The following KCNC2 variants were observed in gnomAD, a reference collection of about 807,000 sequenced individuals.
KCNC2 encodes potassium voltage-gated channel subfamily C member 2.
KCNC2 carries 21 observed loss-of-function variants against 44.5 expected under a neutral mutation model. That is an observed-to-expected ratio of 0.47 (90% CI 0.33 to 0.68). KCNC2 has a LOEUF of 0.68. KCNC2 is among the 30% of genes least tolerant of loss of function. The pLI, the probability that KCNC2 is intolerant of heterozygous loss-of-function variation, is 0.01. For synonymous variants in KCNC2, 391 were observed against 339.1 expected (o/e 1.15, Z -1.68); for missense variants, 589 against 826.2 (o/e 0.71, Z 3.52).
intron 2 of KCNC2, among the ~76,000 whole-genome samples, chr12:75,194,658 T>C (rs1474224527): frequency 6.6e-6 from 1 of 152,186 alleles, no homozygotes; most frequent in Non-Finnish European, 1.5e-5. Flanking sequence ...TTTAAAAATA[T>C]TTGATAACTA....
chr12:75,093,201 AGAAT>A (rs1885636551), intron 2 of KCNC2, among the ~76,000 whole-genome samples: 1 of 151,690 alleles, frequency 6.6e-6, no homozygotes, highest in East Asian at 1.9e-4. Flanking sequence ...ATATTCAAAT[AGAAT>A]GGCAACAATT....
At chr12:75,081,249 G>T (rs1884475128) in intron 2 of KCNC2, among the ~76,000 whole-genome samples, 1 of 152,018 alleles carries the variant, frequency 6.6e-6, no homozygotes, top group African/African-American at 2.4e-5. Context: ...CAGGGCTCTG[G>T]CACATCAAAA....
intron 2 of KCNC2, among the ~76,000 whole-genome samples, chr12:75,059,332 A>G (rs1882073331): frequency 6.6e-6 from 1 of 152,114 alleles, no homozygotes; most frequent in Non-Finnish European, 1.5e-5. Context: ...ATAGTCAAGC[A>G]TAGTTTTGTA....
At chr12:75,191,611 C>A (rs868470042) in intron 2 of KCNC2, among the ~76,000 whole-genome samples, 14 of 129,098 alleles carry the variant, frequency 1.1e-4, no homozygotes, top group Non-Finnish European at 2.0e-4. Context: ...ACTGCAGTGG[C>A]GCAATCTCGG....
chr12:75,078,468 G>A (rs540531366), intron 2 of KCNC2, among the ~76,000 whole-genome samples: 75 of 152,268 alleles, frequency 4.9e-4, no homozygotes, highest in African/African-American at 1.7e-3. Flanking sequence ...AAGAGTTGTT[G>A]AATAGAATAG....
intron 2 of KCNC2, among the ~76,000 whole-genome samples, chr12:75,112,085 T>C (rs1357368351): frequency 6.6e-6 from 1 of 151,968 alleles, no homozygotes; most frequent in Non-Finnish European, 1.5e-5. Context: ...AAATACAAAA[T>C]GTCTGTTACA....
At chr12:75,193,084 AAAC>A (rs1424989553) in intron 2 of KCNC2, among the ~76,000 whole-genome samples, 5 of 152,166 alleles carry the variant, frequency 3.3e-5, no homozygotes, top group East Asian at 1.9e-4. Flanking sequence ...CTCTGGGTAA[AAAC>A]AACAACAACG....
At position 75,116,302 on chromosome 12, in the gene KCNC2, C is replaced by T. The variant is rs921309808; in HGVS notation, c.688-64985G>A. ...CTGAACTCAGCTGGGAAATCTCATA[C>T]TCTGCCTCAAAGAGAATATCAGAAG... On this transcript the variant is annotated intron_variant, in intron 2 of 4. Coordinates refer to ENST00000549446, the MANE Select transcript of KCNC2 (RefSeq NM_139137.4). 2.0e-5 allele frequency among the ~76,000 whole-genome samples: 3 copies of T among 152,192 alleles called. No homozygotes were observed. The East Asian group carries it at 5.8e-4, about 29-fold the overall frequency.
At chr12:75,206,003 G>A (rs371047465) in intron 2 of KCNC2, among the ~76,000 whole-genome samples, 6 of 151,684 alleles carry the variant, frequency 4.0e-5, no homozygotes, top group Non-Finnish European at 7.4e-5. Context: ...CAAGTCTAAA[G>A]GAGTAGCAAT....
At chr12:75,146,824 A>G (rs933278267) in intron 2 of KCNC2, among the ~76,000 whole-genome samples, 1 of 152,204 alleles carries the variant, frequency 6.6e-6, no homozygotes, top group African/African-American at 2.4e-5. Context: ...TAATCATTTT[A>G]TGTGTATATA....
Position 75,041,857 on chromosome 12 carries a change from G to A in KCNC2, c.*1248C>T, listed in dbSNP as rs535701848. On this transcript the variant is annotated 3_prime_UTR_variant, in exon 5 of 5. Transcript: ENST00000549446. ...AGGCTGCTCCAAATAGCAAAAAATG[G>A]TATGGAGTCGGGTTTGGAGGGAGTA... is the stretch of plus-strand genomic sequence containing the variant. 2.1e-5 allele frequency: 21 copies of A among 989,058 alleles called. No individual in the cohort carries two copies. The Admixed American group carries it at 1.1e-3, about 53-fold the overall frequency. 61.3% of individuals were successfully genotyped at this position (989,058 alleles called of 1,614,324 possible).
At chr12:75,146,752 A>G (rs1242991364) in intron 2 of KCNC2, among the ~76,000 whole-genome samples, 1 of 152,210 alleles carries the variant, frequency 6.6e-6, no homozygotes, top group African/African-American at 2.4e-5. Context: ...AACTTCCACC[A>G]GCAGTATATA....
At chr12:75,144,620 TTG>T (rs71650077) in intron 2 of KCNC2, among the ~76,000 whole-genome samples, 5,698 of 146,520 alleles carry the variant, frequency 0.039, 123 homozygotes, top group South Asian at 0.046. Flanking sequence ...GGGTGTACTT[TTG>T]TGTGTGTGTG....
intron 2 of KCNC2, among the ~76,000 whole-genome samples, chr12:75,075,609 G>A (rs1040526054): frequency 2.6e-5 from 4 of 151,824 alleles, no homozygotes; most frequent in East Asian, 1.9e-4. Flanking sequence ...TGGGGGTTGC[G>A]TAGAAGGCAG....
At chr12:75,144,638 GTGTA>G (rs1324701080) in intron 2 of KCNC2, among the ~76,000 whole-genome samples, 1 of 147,190 alleles carries the variant, frequency 6.8e-6, no homozygotes, top group Non-Finnish European at 1.5e-5. Flanking sequence ...GTGTGTGTGT[GTGTA>G]TATATATATA....
intron 2 of KCNC2, among the ~76,000 whole-genome samples, chr12:75,194,367 T>A (rs1239227260): frequency 6.6e-6 from 1 of 151,896 alleles, no homozygotes; most frequent in Non-Finnish European, 1.5e-5. Context: ...ACAAAGAAAC[T>A]CCAAGAATTG....
intron 2 of KCNC2, among the ~76,000 whole-genome samples, chr12:75,143,517 C>A (rs34444250): frequency 0.15 from 22,986 of 152,056 alleles, 2,070 homozygotes; most frequent in Middle Eastern, 0.27. Context: ...TGGTTCCAGG[C>A]CCCTGCCTTT....
intron 2 of KCNC2, among the ~76,000 whole-genome samples, chr12:75,061,231 T>C (rs527523402): frequency 6.6e-6 from 1 of 152,210 alleles, no homozygotes; most frequent in Non-Finnish European, 1.5e-5. Flanking sequence ...TTTATTTATT[T>C]ACACCACTTT....
rs1880147883 is a variant in KCNC2 at position 75,043,459 on chromosome 12, C to T, written c.1781-218G>A. ...AACCAGCCATCACAAATTATTGTTA[C>T]AATACTTCAAAATATATTTTTTCCC... On this transcript the variant is annotated intron_variant, in intron 4 of 4. Transcript: ENST00000549446. 3 of 1,324,196 alleles carry T rather than the reference C, an allele frequency of 2.3e-6. No homozygotes were observed. The Admixed American group carries it at 1.0e-4, about 46-fold the overall frequency. 82.0% of individuals were successfully genotyped at this position (1,324,196 alleles called of 1,614,324 possible).
Sources: gnomAD v4.1 joint callset for allele counts (sites outside exome capture counted in the v4.1 genomes callset) on GRCh38, gnomAD v4.1.1 for gene constraint, MANE v1.5 for transcripts, NCBI Gene and HGNC (gene_info 2026-07-23, HGNC 2026-07-21) for gene names.